The following MAP2K6 variants were observed in gnomAD, a reference collection of about 807,000 sequenced individuals.
MAP2K6 encodes the protein mitogen-activated protein kinase kinase 6.
A neutral mutation model predicts 53.7 loss-of-function variants in MAP2K6; 16 were observed. The observed-to-expected ratio is 0.30, with a 90% CI of 0.20 to 0.45. MAP2K6 has a LOEUF of 0.45. MAP2K6 is among the 20% of genes least tolerant of loss of function. The probability of loss-of-function intolerance (pLI) is 1.00; values close to 1 mark genes in which losing one functional copy is unlikely to be tolerated. For synonymous variants in MAP2K6, 132 were observed against 143.1 expected (o/e 0.92, Z 0.55); for missense variants, 204 against 411.9 (o/e 0.50, Z 4.37).
chr17:69,517,463 C>T (rs1447580233), intron 3 of MAP2K6, 37 bp from the exon 4 acceptor site: 1 of 1,191,228 alleles, frequency 8.4e-7, no homozygotes, highest in Non-Finnish European at 1.2e-6. Flanking sequence ...GTTTATTTTT[C>T]TCTTTCCCAT....
intron 1 of MAP2K6, among the ~76,000 whole-genome samples, chr17:69,470,330 T>G (rs965900584): frequency 1.3e-5 from 2 of 152,176 alleles, no homozygotes; most frequent in Non-Finnish European, 2.9e-5. Context: ...TGATGTTTAC[T>G]GATAAGAATA....
rs561350021 is a variant in MAP2K6, at chr17:69,449,569, C to A, written c.16+34569C>A. ...TCTTTCTTTCTTTCTTTATTTCTTT[C>A]TTTCTTTCTTTCTTTCTTTCTTTTT... is the stretch of plus-strand genomic sequence containing the variant. On this transcript the variant is annotated intron_variant, in intron 1 of 11. Transcript: ENST00000590474. Among the ~76,000 whole-genome samples, 240 of 103,264 alleles carry A rather than the reference C, an allele frequency of 2.3e-3. 1 individual carries two copies. Among genetic ancestry groups the A allele is most frequent in the Non-Finnish European group, 3.3e-3 (155 of 47,000 alleles). 67.7% of individuals were successfully genotyped at this position (103,264 alleles called of 152,430 possible).
At chr17:69,534,873 G>A (rs1299133137) in intron 10 of MAP2K6, among the ~76,000 whole-genome samples, 1 of 151,978 alleles carries the variant, frequency 6.6e-6, no homozygotes, top group Non-Finnish European at 1.5e-5. Flanking sequence ...GAGTCTGTAG[G>A]TTGCCTTGCA....
rs998310269 is a variant in MAP2K6, at chr17:69,543,725, C to A, written c.*1972C>A. On this transcript the variant is annotated 3_prime_UTR_variant, in exon 12 of 12. Transcript: ENST00000590474. The stretch of plus-strand genomic sequence containing the variant: ...TTAGCTTTTGGTGAACGATGTAGAG[C>A]AAATTGTCTCTCTGGTCTAGGTCCG... 6.6e-6 allele frequency: 1 copy of A among 152,136 alleles called. No individual in the cohort carries two copies. The highest frequency in any genetic ancestry group is 2.4e-5 in the African/African-American group (1 of 41,420). 9.4% of individuals were successfully genotyped at this position (152,136 alleles called of 1,614,324 possible).
chr17:69,552,637 A>T lies in MAP2K6; in HGVS notation c.*10884A>T, dbSNP rs1194918282. The T allele has an allele frequency of 6.6e-6, 1 of 152,196 alleles. No homozygotes were observed. The highest frequency in any genetic ancestry group is 1.5e-5 in the Non-Finnish European group (1 of 68,056). The allele number at this position is 152,196 out of a possible 1,614,324, so 9.4% of individuals were successfully genotyped here. A position where few individuals can be genotyped will look rare whatever the true frequency, so the allele number is the denominator to read the frequency against. On this transcript the variant is annotated 3_prime_UTR_variant, in exon 12 of 12. Transcript: ENST00000590474. ...GGAACTCTTTGCTTGTGAGCTGAAG[A>T]AGGAAAGAAGGAGTTGGGGGTGTAT... is the stretch of plus-strand genomic sequence containing the variant.
Position 69,530,452 on chromosome 17 carries a change from T to G in MAP2K6, c.881+3743T>G, listed in dbSNP as rs140494478. On this transcript the variant is annotated intron_variant, in intron 10 of 11. Transcript: ENST00000590474. ...TTTTCCTTCCTCAAAGTGTCAGTATTATAGTTCTGGTAGAATGCTATACTT... is the reference window on the plus strand; with the variant it reads ...TTTTCCTTCCTCAAAGTGTCAGTATGATAGTTCTGGTAGAATGCTATACTT... Among the ~76,000 whole-genome samples the G allele has an allele frequency of 3.5e-4, 54 of 152,348 alleles. No homozygotes were observed. The East Asian group carries it at 9.4e-3, about 27-fold the overall frequency.
intron 1 of MAP2K6, among the ~76,000 whole-genome samples, chr17:69,422,062 G>C (rs1004278178): frequency 6.6e-6 from 1 of 151,088 alleles, no homozygotes; most frequent in Non-Finnish European, 1.5e-5. Context: ...CCCTCTTTCT[G>C]AGTTGAGGAG....
rs1431212767 is a variant in MAP2K6, at chr17:69,551,072, A to C, written c.*9319A>C. On this transcript the variant is annotated 3_prime_UTR_variant, in exon 12 of 12. Transcript: ENST00000590474. ...GATCCTTACATGCGACATTTTCCTA[A>C]AGTGGTTGAGAATGACCTGATCTTT... is the stretch of plus-strand genomic sequence containing the variant. 1 of 152,204 alleles carries C rather than the reference A, an allele frequency of 6.6e-6. No individual in the cohort carries two copies. Among genetic ancestry groups the C allele is most frequent in the East Asian group, 1.9e-4 (1 of 5,196 alleles). 9.4% of individuals were successfully genotyped at this position (152,204 alleles called of 1,614,324 possible). A position where few individuals can be genotyped will look rare whatever the true frequency, so the allele number is the denominator to read the frequency against.
chr17:69,520,927 C>T, intron 6 of MAP2K6, 122 bp from the exon 7 acceptor site: 1 of 696,436 alleles, frequency 1.4e-6, no homozygotes, highest in Non-Finnish European at 2.4e-6. Context: ...ATAGGACCAC[C>T]ACTATTTGAG....
rs147740973 is a variant in MAP2K6, at chr17:69,495,223, C to T, written c.17-10557C>T. Among the ~76,000 whole-genome samples the T allele has an allele frequency of 8.8e-3, 1,324 of 150,642 alleles. 17 individuals are homozygous for T. The highest frequency in any genetic ancestry group is 0.011 in the Non-Finnish European group (723 of 67,758). On this transcript the variant is annotated intron_variant, in intron 1 of 11. Coordinates refer to ENST00000590474, the MANE Select transcript of MAP2K6 (RefSeq NM_002758.4). ...AACATCTTTATATATTGGTAAATTT[C>T]GTTTTATTTTTTCTTTTATTTATTT... is the stretch of plus-strand genomic sequence containing the variant.
intron 7 of MAP2K6, chr17:69,521,637 A>G (rs1251947758): frequency 6.6e-6 from 1 of 152,070 alleles, no homozygotes; most frequent in Non-Finnish European, 1.5e-5. Flanking sequence ...TCAACCAGCC[A>G]TTCATCCATC....
chr17:69,499,820 T>A (rs1434349488), intron 1 of MAP2K6, among the ~76,000 whole-genome samples: 1 of 152,192 alleles, frequency 6.6e-6, no homozygotes, highest in Non-Finnish European at 1.5e-5. Context: ...TGGAAGATGG[T>A]CGTGGAGATC....
chr17:69,535,003 A>C (rs1424332689), intron 10 of MAP2K6, among the ~76,000 whole-genome samples: 2 of 147,464 alleles, frequency 1.4e-5, no homozygotes, highest in African/African-American at 5.0e-5. Context: ...TTTTAAGGCC[A>C]GAGTTGGATA....
At chr17:69,483,765 A>G (rs1908428615) in intron 1 of MAP2K6, among the ~76,000 whole-genome samples, 1 of 152,150 alleles carries the variant, frequency 6.6e-6, no homozygotes, top group African/African-American at 2.4e-5. Context: ...CAAATGGAAT[A>G]GAATCGAAAG....
chr17:69,475,783 G>A (rs570967264), intron 1 of MAP2K6, among the ~76,000 whole-genome samples: 1 of 152,330 alleles, frequency 6.6e-6, no homozygotes, highest in South Asian at 2.1e-4. Flanking sequence ...TCTGGTCCCA[G>A]GGGTGGTGGG....
chr17:69,482,577 A>G (rs1908385288), intron 1 of MAP2K6, among the ~76,000 whole-genome samples: 1 of 151,554 alleles, frequency 6.6e-6, no homozygotes, highest in African/African-American at 2.4e-5. Flanking sequence ...TATTTCACTT[A>G]ATGTATTTTG....
chr17:69,417,324 G>A (rs1319040523), intron 1 of MAP2K6, among the ~76,000 whole-genome samples: 2 of 152,180 alleles, frequency 1.3e-5, no homozygotes, highest in African/African-American at 2.4e-5. Flanking sequence ...CAATCTCATA[G>A]TATTGAAGAA....
intron 1 of MAP2K6, among the ~76,000 whole-genome samples, chr17:69,424,185 C>T (rs965258495): frequency 3.9e-5 from 6 of 152,126 alleles, no homozygotes; most frequent in Admixed American, 6.6e-5. Flanking sequence ...CTCACAGAGT[C>T]GCTTACATCG....
intron 1 of MAP2K6, among the ~76,000 whole-genome samples, chr17:69,439,891 A>G (rs1906762512): frequency 6.6e-6 from 1 of 152,222 alleles, no homozygotes; most frequent in African/African-American, 2.4e-5. Context: ...ACTGTGCTAA[A>G]TACTGTATAA....
Sources: gnomAD v4.1 joint callset for allele counts (sites outside exome capture counted in the v4.1 genomes callset) on GRCh38, gnomAD v4.1.1 for gene constraint, MANE v1.5 for transcripts, NCBI Gene and HGNC (gene_info 2026-07-23, HGNC 2026-07-21) for gene names.